The following TGFB1I1 variants were observed in gnomAD, a reference collection of about 807,000 sequenced individuals.
TGFB1I1 encodes the protein transforming growth factor beta-1-induced transcript 1 protein.
TGFB1I1 carries 33 observed loss-of-function variants against 52.0 expected under a neutral mutation model. The ratio of observed to expected loss-of-function variants is 0.63; its 90% CI spans 0.48 to 0.85. The LOEUF is 0.85. Ranked by LOEUF, TGFB1I1 falls within the 40% of genes least tolerant of loss-of-function variation. The pLI, the probability that TGFB1I1 is intolerant of heterozygous loss-of-function variation, is 0.00. For missense variants in TGFB1I1, 577 were observed against 614.9 expected, an observed-to-expected ratio of 0.94 and a Z score of 0.65; for synonymous variants, 236 against 253.3, an observed-to-expected ratio of 0.93 and a Z score of 0.65.
chr16:31,475,807 C>T (rs2142596730), intron 7 of TGFB1I1: 1 of 545,002 alleles, frequency 1.8e-6, no homozygotes, highest in East Asian at 3.1e-5. Context: ...GCCTGCTGTG[C>T]CTCATGTATA....
In TGFB1I1 at chr16:31,473,667, G is replaced by C. The variant is rs28411344; in HGVS notation, c.130-15G>C. The C allele has an allele frequency of 8.9e-6, 14 of 1,570,144 alleles. No individual in the cohort carries two copies. The African/African-American group carries it at 1.6e-4, about 18-fold the overall frequency. On this transcript the variant is annotated splice_polypyrimidine_tract_variant and intron_variant, in intron 2 of 10. Transcript: ENST00000394863. ...TGCAGGCCTGTCATCCCACCTGTGC[G>C]TCTCCGCTCTGTAGACAGGGTCTGG...
intron 7 of TGFB1I1, 43 bp from the exon 8 acceptor site, chr16:31,475,969 G>A (rs769015924): frequency 6.3e-7 from 1 of 1,579,912 alleles, no homozygotes; most frequent in East Asian, 2.2e-5. Flanking sequence ...CTGGGCATGT[G>A]GTTGTCAGAG....
chr16:31,476,343 T>C lies in TGFB1I1; in HGVS notation c.889-138T>C. 4.9e-6 allele frequency: 6 copies of C among 1,216,220 alleles called. No homozygotes were observed. The South Asian group carries it at 7.2e-5, about 15-fold the overall frequency. 75.3% of individuals were successfully genotyped at this position (1,216,220 alleles called of 1,614,324 possible). On this transcript the variant is annotated intron_variant, in intron 8 of 10. Transcript: ENST00000394863. The surrounding 1 kb of genome is among the most constrained non-coding windows in gnomAD (Gnocchi z 7.6). ...ACGGCCCCTTGGACTCCACTCTTCC[T>C]TTCTGACCCCCACGTTCCTAGTTAG...
intron 1 of TGFB1I1, 164 bp from the exon 2 acceptor site, chr16:31,473,277 A>C (rs45612043): frequency 0.042 from 59,151 of 1,425,174 alleles, 1,436 homozygotes; most frequent in Non-Finnish European, 0.047. Context: ...TTCTGGTCAT[A>C]AATATTCCTT....
Position 31,477,681 on chromosome 16 carries a change from TG to T in TGFB1I1, c.*107del. 1 of 1,400,802 alleles carries T rather than the reference TG, an allele frequency of 7.1e-7. No individual in the cohort carries two copies. The highest frequency in any genetic ancestry group is 9.4e-7 in the Non-Finnish European group (1 of 1,062,058). 86.8% of individuals were successfully genotyped at this position (1,400,802 alleles called of 1,614,324 possible). Reference sequence around the variant, plus strand: ...TCTCAGAGCGGGAGGCCCCACCCACTGGAGAGCCCCGCCCCTAAGGTACTAT... The same window carrying T: ...TCTCAGAGCGGGAGGCCCCACCCACTGAGAGCCCCGCCCCTAAGGTACTAT... On this transcript the variant is annotated 3_prime_UTR_variant, in exon 11 of 11. Coordinates refer to ENST00000394863, the MANE Select transcript of TGFB1I1 (RefSeq NM_001042454.3). This position sits in a 1 kb window ranked among gnomAD's most constrained non-coding sequence, Gnocchi z 4.7.
chr16:31,477,056 A>T lies in TGFB1I1; in HGVS notation c.1119+46A>T. 3.9e-6 allele frequency: 3 copies of T among 762,924 alleles called. No individual in the cohort carries two copies. Among genetic ancestry groups the T allele is most frequent in the Non-Finnish European group, 5.6e-6 (3 of 532,152 alleles). 47.3% of individuals were successfully genotyped at this position (762,924 alleles called of 1,614,324 possible). The stretch of plus-strand genomic sequence containing the variant: ...CGTTGGAGGGGCGGGTCAAGGGTAC[A>T]GGGCTGTGGGGCGGGGCCTTGGAGG... On this transcript the variant is annotated intron_variant, in intron 10 of 10. Transcript: ENST00000394863. This position sits in a 1 kb window ranked among gnomAD's most constrained non-coding sequence, Gnocchi z 4.7.
In TGFB1I1 at chr16:31,476,156, T is replaced by C. The variant is rs886569138; in HGVS notation, c.859T>C (p.Cys287Arg). ...CTACTTTGAGCGCTTCTCGCCAAGA[T>C]GTGGCTTCTGCAACCAGCCCATCCG... is the stretch of plus-strand genomic sequence containing the variant. ...ECYFERFSPRCGFCNQPIRHK... is the reference protein window; with the variant it reads ...ECYFERFSPRRGFCNQPIRHK... The change falls in exon 8 of 11, where the codon TGT (cysteine) becomes CGT (arginine). Residue 287 changes from cysteine to arginine, a missense_variant. Physicochemically the swap from Cys to Arg is radical, Grantham distance 180. Around this residue, in one of 3 missense-constraint regions of TGFB1I1, gnomAD observed 456 missense variants for 461.6 expected, o/e 0.99. Coordinates refer to ENST00000394863, the MANE Select transcript of TGFB1I1 (RefSeq NM_001042454.3). The surrounding 1 kb of genome is among the most constrained non-coding windows in gnomAD (Gnocchi z 7.6). The C allele has an allele frequency of 1.9e-6, 3 of 1,613,192 alleles. No homozygotes were observed. The highest frequency in any genetic ancestry group is 2.5e-6 in the Non-Finnish European group (3 of 1,179,958).
At chr16:31,473,251 G>T in intron 1 of TGFB1I1, 190 bp from the exon 2 acceptor site, 1 of 1,401,076 alleles carries the variant, frequency 7.1e-7, no homozygotes, top group Non-Finnish European at 9.3e-7. Context: ...GGCTCCAAGC[G>T]TGAGCAACTG....
chr16:31,477,218 G>T lies in TGFB1I1; in HGVS notation c.1120-92G>T. ...GGATTCTTCGCGTCTAGGGCGGGCT[G>T]CGGGGTCCCAGGGCGTTATCCGCTA... On this transcript the variant is annotated intron_variant, in intron 10 of 10. Coordinates refer to ENST00000394863, the MANE Select transcript of TGFB1I1 (RefSeq NM_001042454.3). This position sits in a 1 kb window ranked among gnomAD's most constrained non-coding sequence, Gnocchi z 4.7. 1 of 1,508,390 alleles carries T rather than the reference G, an allele frequency of 6.6e-7. No individual in the cohort carries two copies. Among genetic ancestry groups the T allele is most frequent in the Non-Finnish European group, 8.9e-7 (1 of 1,122,416 alleles). 93.4% of individuals were successfully genotyped at this position (1,508,390 alleles called of 1,614,324 possible).
intron 1 of TGFB1I1, chr16:31,473,063 A>C: frequency 5.7e-6 from 2 of 349,562 alleles, no homozygotes; most frequent in Non-Finnish European, 8.4e-6. Flanking sequence ...CTGTGTAGGT[A>C]GAGGGAGGAG....
rs1032354245 is a variant in TGFB1I1 at position 31,475,296 on chromosome 16, C to T, written c.714+539C>T. The T allele has an allele frequency of 2.6e-4, 41 of 155,178 alleles. 2 individuals carry two copies. The highest frequency in any genetic ancestry group is 2.4e-5 in the African/African-American group (1 of 41,440). The allele number at this position is 155,178 out of a possible 1,614,324, so 9.6% of individuals were successfully genotyped here. On this transcript the variant is annotated intron_variant, in intron 7 of 10. Coordinates refer to ENST00000394863, the MANE Select transcript of TGFB1I1 (RefSeq NM_001042454.3). ...GCACTTTCATCTTCATGAGTCCCTT[C>T]GTCCATTAAAATAAATAGATTTTTA...
chr16:31,475,973 G>A lies in TGFB1I1; in HGVS notation c.715-39G>A, dbSNP rs776671398. The A allele has an allele frequency of 8.8e-6, 14 of 1,585,496 alleles. No individual in the cohort carries two copies. In the South Asian group the frequency reaches 1.6e-4, roughly 18 times the overall value. On this transcript the variant is annotated intron_variant, in intron 7 of 10. Transcript: ENST00000394863. ...ATCTTGCCTCACTGGGCATGTGGTT[G>A]TCAGAGCCGCTCTGACCCGCCTCAC...
chr16:31,476,215 C>T lies in TGFB1I1; in HGVS notation c.888+30C>T, dbSNP rs1391185177. ...GCCCCGCCCGGCCGCACCGAGCCCGCCCTATCTCACCAGGAGAGCTGTGGG... is the reference window on the plus strand; with the variant it reads ...GCCCCGCCCGGCCGCACCGAGCCCGTCCTATCTCACCAGGAGAGCTGTGGG... On this transcript the variant is annotated intron_variant, in intron 8 of 10. Coordinates refer to ENST00000394863, the MANE Select transcript of TGFB1I1 (RefSeq NM_001042454.3). This position sits in a 1 kb window ranked among gnomAD's most constrained non-coding sequence, Gnocchi z 7.6. The T allele has an allele frequency of 6.2e-7, 1 of 1,600,436 alleles. No individual in the cohort carries two copies. Among genetic ancestry groups the T allele is most frequent in the Non-Finnish European group, 8.5e-7 (1 of 1,174,656 alleles).
Position 31,476,796 on chromosome 16 carries a change from A to G in TGFB1I1, c.971-66A>G. On this transcript the variant is annotated intron_variant, in intron 9 of 10. Coordinates refer to ENST00000394863, the MANE Select transcript of TGFB1I1 (RefSeq NM_001042454.3). This position sits in a 1 kb window ranked among gnomAD's most constrained non-coding sequence, Gnocchi z 7.6. Reference sequence around the variant, plus strand: ...TGCCCCTCCTTCGGCCCCAGATCTCAGGTCTTGTGGGTCCCCCGTCCCGCC... The same window carrying G: ...TGCCCCTCCTTCGGCCCCAGATCTCGGGTCTTGTGGGTCCCCCGTCCCGCC... The G allele has an allele frequency of 6.3e-7, 1 of 1,598,838 alleles. No individual in the cohort carries two copies.
In TGFB1I1 at chr16:31,474,873, A is replaced by G; in HGVS notation, c.714+116A>G. 1 of 989,060 alleles carries G rather than the reference A, an allele frequency of 1.0e-6. No individual in the cohort carries two copies. The highest frequency in any genetic ancestry group is 1.6e-5 in the African/African-American group (1 of 61,480). The allele number at this position is 989,060 out of a possible 1,614,324, so 61.3% of individuals were successfully genotyped here. ...GTTAATCTGGGAAGTGGGTATCATTATTACTTATGTTTTATGGATGAGGAA... is the reference window on the plus strand; with the variant it reads ...GTTAATCTGGGAAGTGGGTATCATTGTTACTTATGTTTTATGGATGAGGAA... On this transcript the variant is annotated intron_variant, in intron 7 of 10. Coordinates refer to ENST00000394863, the MANE Select transcript of TGFB1I1 (RefSeq NM_001042454.3). This position sits in a 1 kb window ranked among gnomAD's most constrained non-coding sequence, Gnocchi z 4.2.
Position 31,474,075 on chromosome 16 carries a change from A to C in TGFB1I1, c.326-77A>C. ...GAATACACTTCCCAGAGTAGCAGTTAAAGGGACCTAAAGCCTCAAGTGTGA... is the reference window on the plus strand; with the variant it reads ...GAATACACTTCCCAGAGTAGCAGTTCAAGGGACCTAAAGCCTCAAGTGTGA... On this transcript the variant is annotated intron_variant, in intron 4 of 10. Transcript: ENST00000394863. This position sits in a 1 kb window ranked among gnomAD's most constrained non-coding sequence, Gnocchi z 4.2. 1 of 1,610,754 alleles carries C rather than the reference A, an allele frequency of 6.2e-7. No individual in the cohort carries two copies. Among genetic ancestry groups the C allele is most frequent in the Non-Finnish European group, 8.5e-7 (1 of 1,177,460 alleles).
chr16:31,475,855 G>C, intron 7 of TGFB1I1, 157 bp from the exon 8 acceptor site: 1 of 772,240 alleles, frequency 1.3e-6, no homozygotes, highest in Non-Finnish European at 2.0e-6. Context: ...CGGAACACGG[G>C]AGCTAGATCT....
intron 7 of TGFB1I1, chr16:31,475,384 CA>C (rs1171040165): frequency 3.3e-5 from 5 of 152,828 alleles, no homozygotes; most frequent in Admixed American, 2.0e-4. Flanking sequence ...TCTTCTAGTT[CA>C]TTTTTTTATT....
chr16:31,472,378 T>A, intron 1 of TGFB1I1, 177 bp downstream of exon 1: 2 of 1,044,524 alleles, frequency 1.9e-6, no homozygotes, highest in Non-Finnish European at 2.4e-6. Flanking sequence ...CTGCCTTTCC[T>A]GGGCCGGCCG....
Sources: gnomAD v4.1 joint callset for allele counts on GRCh38, gnomAD v4.1.1 for gene constraint, gnomAD v4.1.1 regional missense constraint, Gnocchi (gnomAD v3.1) non-coding constraint, MANE v1.5 for transcripts, NCBI Gene and HGNC (gene_info 2026-07-23, HGNC 2026-07-21) for gene names.